FAM168A: variants seen among roughly 807,000 people sequenced by gnomAD.
FAM168A encodes protein FAM168A.
A neutral mutation model predicts 28.5 loss-of-function variants in FAM168A; 3 were observed. That is an observed-to-expected ratio of 0.11 (90% CI 0.05 to 0.27). The LOEUF is 0.27. Among genes scored for constraint, FAM168A ranks in the 10% least tolerant of loss-of-function variants. The pLI, the probability that FAM168A is intolerant of heterozygous loss-of-function variation, is 1.00. For missense variants in FAM168A, 222 were observed against 311.5 expected, an observed-to-expected ratio of 0.71 and a Z score of 2.16; for synonymous variants, 122 against 124.2, an observed-to-expected ratio of 0.98 and a Z score of 0.12.
intron 1 of FAM168A, among the ~76,000 whole-genome samples, chr11:73,530,085 C>G (rs1391260326): frequency 6.6e-6 from 1 of 152,060 alleles, no homozygotes; most frequent in Non-Finnish European, 1.5e-5. Flanking sequence ...CCACACCTGG[C>G]CCAAACAGTA....
intron 1 of FAM168A, among the ~76,000 whole-genome samples, chr11:73,576,268 A>G (rs1944173863): frequency 6.6e-6 from 1 of 152,218 alleles, no homozygotes; most frequent in Non-Finnish European, 1.5e-5. Flanking sequence ...AGCATGAACA[A>G]TCTAAATCGA....
intron 4 of FAM168A, among the ~76,000 whole-genome samples, chr11:73,417,848 C>G (rs1006964629): frequency 6.6e-6 from 1 of 152,108 alleles, no homozygotes; most frequent in Non-Finnish European, 1.5e-5. Context: ...TGTGAGCCAC[C>G]GCGCCTGGCC....
intron 1 of FAM168A, among the ~76,000 whole-genome samples, chr11:73,514,336 CT>C (rs1459653140): frequency 6.6e-6 from 1 of 152,064 alleles, no homozygotes; most frequent in East Asian, 1.9e-4. Flanking sequence ...AATACAACTG[CT>C]TTTGAGAAAA....
At chr11:73,587,363 G>T (rs1326206555) in intron 1 of FAM168A, among the ~76,000 whole-genome samples, 3 of 151,960 alleles carry the variant, frequency 2.0e-5, no homozygotes, top group Non-Finnish European at 4.4e-5. Context: ...ATGGTTTCGG[G>T]CACCTGTAAT....
chr11:73,542,513 T>C (rs1226630779), intron 1 of FAM168A, among the ~76,000 whole-genome samples: 1 of 152,242 alleles, frequency 6.6e-6, no homozygotes, highest in African/African-American at 2.4e-5. Flanking sequence ...ATTACTACAC[T>C]GACTCAAGTC....
rs1430085182 is a variant in FAM168A at position 73,404,579 on chromosome 11, ATTG to A, written c.*2181_*2183del. 2.6e-5 allele frequency: 4 copies of A among 152,238 alleles called. No homozygotes were observed. Among genetic ancestry groups the A allele is most frequent in the African/African-American group, 9.6e-5 (4 of 41,454 alleles). The allele number at this position is 152,238 out of a possible 1,614,324, so 9.4% of individuals were successfully genotyped here. A position where few individuals can be genotyped will look rare whatever the true frequency, so the allele number is the denominator to read the frequency against. ...GTGAATTAACACTGGAAAACTTTCTATTGTTTTAAAGTGAAACCTCATCAGCAC... is the reference window on the plus strand; with the variant it reads ...GTGAATTAACACTGGAAAACTTTCTATTTTAAAGTGAAACCTCATCAGCAC... On this transcript the variant is annotated 3_prime_UTR_variant, in exon 8 of 8. Coordinates refer to ENST00000356467, the MANE Select transcript of FAM168A (RefSeq NM_015159.3).
chr11:73,435,821 C>T (rs894336431), intron 2 of FAM168A, among the ~76,000 whole-genome samples: 5 of 152,168 alleles, frequency 3.3e-5, no homozygotes, highest in Non-Finnish European at 7.3e-5. Context: ...ATTTCTCATA[C>T]AAAAGATATT....
Position 73,559,020 on chromosome 11 carries a change from C to T in FAM168A, c.-19+38903G>A, listed in dbSNP as rs1232765037. Among the ~76,000 whole-genome samples, 10 of 152,180 alleles carry T rather than the reference C, an allele frequency of 6.6e-5. No homozygotes were observed. In the East Asian group the frequency reaches 1.9e-3, roughly 29 times the overall value. ...GTTCATAGCAGCACCTTCACAATAGCGAAAGATAGAAACAACTCAAACGTC... is the reference window on the plus strand; with the variant it reads ...GTTCATAGCAGCACCTTCACAATAGTGAAAGATAGAAACAACTCAAACGTC... On this transcript the variant is annotated intron_variant, in intron 1 of 7. Coordinates refer to ENST00000356467, the MANE Select transcript of FAM168A (RefSeq NM_015159.3).
intron 1 of FAM168A, among the ~76,000 whole-genome samples, chr11:73,563,787 C>T (rs61018857): frequency 0.094 from 14,279 of 152,192 alleles, 694 homozygotes; most frequent in Admixed American, 0.12. Flanking sequence ...ACCCAATTAA[C>T]AAATACTAGG....
At chr11:73,485,635 A>C (rs1478579460) in intron 1 of FAM168A, among the ~76,000 whole-genome samples, 2 of 152,162 alleles carry the variant, frequency 1.3e-5, no homozygotes, top group African/African-American at 4.8e-5. Flanking sequence ...CTTCACTGAT[A>C]ATCTGTTTGT....
chr11:73,573,890 C>T (rs752170835), intron 1 of FAM168A, among the ~76,000 whole-genome samples: 34 of 152,140 alleles, frequency 2.2e-4, no homozygotes, highest in Non-Finnish European at 4.1e-4. Context: ...AGGAGTTCCA[C>T]GCTGCAGTAA....
intron 1 of FAM168A, among the ~76,000 whole-genome samples, chr11:73,529,796 C>CTTTTTTTTTTTT (rs772530179): frequency 0.011 from 1,368 of 127,218 alleles, 57 homozygotes; most frequent in African/African-American, 0.027. Context: ...ACTTTTTCTT[C>CTTTTTTTTTTTT]TTTTTTTTTT....
intron 1 of FAM168A, among the ~76,000 whole-genome samples, chr11:73,483,971 T>C (rs763498469): frequency 2.0e-5 from 3 of 152,216 alleles, no homozygotes; most frequent in Non-Finnish European, 4.4e-5. Flanking sequence ...TTGTCAGATG[T>C]AATAATTCAG....
At chr11:73,583,967 C>G (rs963254056) in intron 1 of FAM168A, among the ~76,000 whole-genome samples, 1 of 152,144 alleles carries the variant, frequency 6.6e-6, no homozygotes, top group African/African-American at 2.4e-5. Flanking sequence ...GGTTGAAGGG[C>G]AGGCTTTCAG....
At chr11:73,456,114 G>A (rs1867527255) in intron 2 of FAM168A, among the ~76,000 whole-genome samples, 1 of 152,126 alleles carries the variant, frequency 6.6e-6, no homozygotes, top group Non-Finnish European at 1.5e-5. Flanking sequence ...ATGTCATGAG[G>A]ATTAAATGAA....
At chr11:73,507,940 G>A (rs141524086) in intron 1 of FAM168A, among the ~76,000 whole-genome samples, 27 of 152,162 alleles carry the variant, frequency 1.8e-4, no homozygotes, top group East Asian at 3.9e-4. Context: ...TGGGTATACC[G>A]AGGGACAACT....
chr11:73,495,729 T>G (rs1458571184), intron 1 of FAM168A, among the ~76,000 whole-genome samples: 1 of 152,128 alleles, frequency 6.6e-6, no homozygotes, highest in African/African-American at 2.4e-5. Flanking sequence ...AGATACCACC[T>G]CACACCCATT....
chr11:73,420,283 C>T (rs144744414), intron 3 of FAM168A, among the ~76,000 whole-genome samples: 1 of 152,336 alleles, frequency 6.6e-6, no homozygotes, highest in African/African-American at 2.4e-5. Flanking sequence ...ATAACCATCT[C>T]CTACTACCTG....
chr11:73,420,584 C>G (rs1866774541), intron 3 of FAM168A, among the ~76,000 whole-genome samples: 1 of 152,336 alleles, frequency 6.6e-6, no homozygotes, highest in African/African-American at 2.4e-5. Flanking sequence ...TGGGGCACTC[C>G]TTGCTAATAA....
Sources: gnomAD v4.1 joint callset for allele counts (sites outside exome capture counted in the v4.1 genomes callset) on GRCh38, gnomAD v4.1.1 for gene constraint, MANE v1.5 for transcripts, NCBI Gene and HGNC (gene_info 2026-07-23, HGNC 2026-07-21) for gene names.